Variants in MAP3K2 observed in about 807,000 individuals in gnomAD.
MAP3K2 encodes mitogen-activated protein kinase kinase kinase 2, also known as MAP/ERK kinase kinase 2.
MAP3K2 carries 24 observed loss-of-function variants against 80.3 expected under a neutral mutation model. The ratio of observed to expected loss-of-function variants is 0.30; its 90% confidence interval spans 0.22 to 0.42. The LOEUF (loss-of-function observed/expected upper bound fraction) is 0.42, where lower values mean the gene tolerates loss of function less well. Ranked by LOEUF, MAP3K2 falls within the 10% of genes least tolerant of loss-of-function variation. The pLI is 1.00. For synonymous variants in MAP3K2, 244 were observed against 253.7 expected (o/e 0.96, Z 0.36); for missense variants, 608 against 750.1 (o/e 0.81, Z 2.21).
Position 127,359,856 on chromosome 2 carries a change from G to C in MAP3K2, c.-65-16662C>G, listed in dbSNP as rs536973299. Among the ~76,000 whole-genome samples the C allele has an allele frequency of 2.7e-3, 405 of 152,276 alleles. 3 individuals carry two copies. Among genetic ancestry groups the C allele is most frequent in the Non-Finnish European group, 3.9e-3 (266 of 68,038 alleles). Reference sequence around the variant, plus strand: ...GTTTCCTGAGGCCTCTTCAGAAGCTGAGCAGGTGCCAAAATCATGCTTCCT... The same window carrying C: ...GTTTCCTGAGGCCTCTTCAGAAGCTCAGCAGGTGCCAAAATCATGCTTCCT... On this transcript the variant is annotated intron_variant, in intron 1 of 16. Coordinates refer to ENST00000682094, the MANE Select transcript of MAP3K2 (RefSeq NM_001371910.2).
intron 14 of MAP3K2, among the ~76,000 whole-genome samples, chr2:127,315,394 C>G (rs1685881475): frequency 6.6e-6 from 1 of 152,196 alleles, no homozygotes; most frequent in South Asian, 2.1e-4. Flanking sequence ...AATGTTTCTG[C>G]TTTTCCTTGA....
At chr2:127,319,650 C>CAAAAAAAAAAAAAAAAAA (rs57472022) in intron 12 of MAP3K2, among the ~76,000 whole-genome samples, 19 of 71,832 alleles carry the variant, frequency 2.6e-4, no homozygotes, top group Non-Finnish European at 3.6e-4. Context: ...ACTAAAAATA[C>CAAAAAAAAAAAAAAAAAA]AAAAAAAAAA....
intron 1 of MAP3K2, among the ~76,000 whole-genome samples, chr2:127,370,617 C>T (rs1370638245): frequency 6.6e-6 from 1 of 152,166 alleles, no homozygotes; most frequent in Non-Finnish European, 1.5e-5. Flanking sequence ...ATTAAGGGAC[C>T]TAATGCAAAC....
chr2:127,354,517 GGTAGT>G (rs1686764096), intron 1 of MAP3K2, among the ~76,000 whole-genome samples: 1 of 151,968 alleles, frequency 6.6e-6, no homozygotes, highest in South Asian at 2.1e-4. Flanking sequence ...CAGGACACTG[GGTAGT>G]GTACTCAGAA....
intron 1 of MAP3K2, among the ~76,000 whole-genome samples, chr2:127,355,191 A>G (rs944737077): frequency 6.6e-6 from 1 of 152,110 alleles, no homozygotes; most frequent in African/African-American, 2.4e-5. Context: ...CATAGATCCA[A>G]AACTCTTTAT....
intron 1 of MAP3K2, among the ~76,000 whole-genome samples, chr2:127,375,002 A>G (rs1398248899): frequency 3.3e-5 from 5 of 152,262 alleles, no homozygotes; most frequent in Non-Finnish European, 7.3e-5. Context: ...TAAAATTTAA[A>G]TAAATTTCAA....
intron 12 of MAP3K2, among the ~76,000 whole-genome samples, chr2:127,319,131 C>G (rs1685963629): frequency 6.6e-6 from 1 of 152,012 alleles, no homozygotes; most frequent in Non-Finnish European, 1.5e-5. Context: ...CTTCCAAACC[C>G]TTTTCCCCTA....
chr2:127,384,330 C>T (rs1007247282), intron 1 of MAP3K2, among the ~76,000 whole-genome samples: 3 of 150,868 alleles, frequency 2.0e-5, no homozygotes, highest in Non-Finnish European at 4.4e-5. Context: ...GAAAAACAAA[C>T]GAAATACATT....
At chr2:127,330,075 C>T (rs61422716) in intron 6 of MAP3K2, 67 bp from the exon 7 acceptor site, 221,842 of 864,714 alleles carry the variant, frequency 0.26, 30,713 homozygotes, top group Middle Eastern at 0.33. Context: ...ATCCTCTCCC[C>T]TACCAAGTAC....
rs116946164 is a variant in MAP3K2, at chr2:127,387,205, T to C, written c.-66+247A>G. Among the ~76,000 whole-genome samples, 806 of 152,238 alleles carry C rather than the reference T, an allele frequency of 5.3e-3. 34 individuals carry two copies. The East Asian group carries it at 0.11, about 22-fold the overall frequency. Reference sequence around the variant, plus strand: ...TCTTCTAAAATCTCTGCAGGGTACGTGTCTGACAGCTAACACAGCCCAGCA... The same window carrying C: ...TCTTCTAAAATCTCTGCAGGGTACGCGTCTGACAGCTAACACAGCCCAGCA... On this transcript the variant is annotated intron_variant, in intron 1 of 16. Transcript: ENST00000682094.
intron 16 of MAP3K2, among the ~76,000 whole-genome samples, 154 bp downstream of exon 16, chr2:127,308,431 A>G (rs62157549): frequency 0.37 from 56,417 of 152,110 alleles, 11,275 homozygotes; most frequent in East Asian, 0.62. Flanking sequence ...ATAAGCCTCA[A>G]TAAGGCACAA....
intron 14 of MAP3K2, 124 bp downstream of exon 14, chr2:127,317,505 T>TA: frequency 1.3e-6 from 1 of 766,026 alleles, no homozygotes. Flanking sequence ...AGCTCTAATT[T>TA]AAAACTCTTC....
chr2:127,319,104 G>C (rs1685962845), intron 12 of MAP3K2, among the ~76,000 whole-genome samples: 1 of 152,094 alleles, frequency 6.6e-6, no homozygotes, highest in Non-Finnish European at 1.5e-5. Flanking sequence ...CCACTGTTGT[G>C]GGAAACGCAG....
chr2:127,333,277 A>C (rs1029727412), intron 5 of MAP3K2, among the ~76,000 whole-genome samples: 1 of 144,782 alleles, frequency 6.9e-6, no homozygotes, highest in Non-Finnish European at 1.5e-5. Context: ...CAACCCTCAT[A>C]ACACACACAC....
chr2:127,336,125 C>G (rs530649610), intron 4 of MAP3K2, among the ~76,000 whole-genome samples, 156 bp from the exon 5 acceptor site: 37 of 152,314 alleles, frequency 2.4e-4, no homozygotes, highest in African/African-American at 8.7e-4. Flanking sequence ...TTAACACAGG[C>G]ACACATTTTC....
In MAP3K2 at chr2:127,360,608, T is replaced by C. The variant is rs533968452; in HGVS notation, c.-65-17414A>G. Among the ~76,000 whole-genome samples, 3 of 152,348 alleles carry C rather than the reference T, an allele frequency of 2.0e-5. No homozygotes were observed. The South Asian group carries it at 6.2e-4, about 32-fold the overall frequency. ...GTATGTTAATTATCTCAAGTTATTT[T>C]ACAAAATTATTCTTTAATGCTACTA... On this transcript the variant is annotated intron_variant, in intron 1 of 16. Coordinates refer to ENST00000682094, the MANE Select transcript of MAP3K2 (RefSeq NM_001371910.2).
At chr2:127,309,046 G>T (rs1685760284) in intron 15 of MAP3K2, among the ~76,000 whole-genome samples, 1 of 152,066 alleles carries the variant, frequency 6.6e-6, no homozygotes, top group Non-Finnish European at 1.5e-5. Context: ...GTGAAGAGGA[G>T]GAGAAAGGGG....
intron 6 of MAP3K2, 106 bp downstream of exon 6, chr2:127,330,286 T>C (rs1470856292): frequency 3.2e-6 from 2 of 616,512 alleles, no homozygotes; most frequent in South Asian, 4.8e-5. Context: ...CATTTAATCA[T>C]AATGAAAATA....
intron 1 of MAP3K2, among the ~76,000 whole-genome samples, chr2:127,377,692 C>G (rs1687174616): frequency 6.6e-6 from 1 of 152,146 alleles, no homozygotes; most frequent in Non-Finnish European, 1.5e-5. Context: ...AGTAGACAAT[C>G]AAATATTATC....
Sources: gnomAD v4.1 joint callset for allele counts (sites outside exome capture counted in the v4.1 genomes callset) on GRCh38, gnomAD v4.1.1 for gene constraint, MANE v1.5 for transcripts, NCBI Gene and HGNC (gene_info 2026-07-23, HGNC 2026-07-21) for gene names.